MBP: variants seen among roughly 807,000 people sequenced by gnomAD.
MBP encodes myelin basic protein, also known as Golli-MBP.
MBP carries 16 observed loss-of-function variants against 35.8 expected under a neutral mutation model. The ratio of observed to expected loss-of-function variants is 0.45; its 90% CI spans 0.30 to 0.68. The LOEUF (loss-of-function observed/expected upper bound fraction) is 0.68, where lower values mean the gene tolerates loss of function less well. Among genes scored for constraint, MBP ranks in the 30% least tolerant of loss-of-function variants. The pLI is 0.08. For synonymous variants in MBP, 143 were observed against 159.6 expected, an observed-to-expected ratio of 0.90 and a Z score of 0.78; for missense variants, 380 against 404.7, an observed-to-expected ratio of 0.94 and a Z score of 0.52.
chr18:76,997,748 C>G (rs371250131), intron 4 of MBP, among the ~76,000 whole-genome samples: 2 of 150,946 alleles, frequency 1.3e-5, no homozygotes, highest in South Asian at 4.2e-4. Flanking sequence ...AGTGGCGCGA[C>G]CTCGGCTCAC....
At chr18:76,985,124 G>T in intron 7 of MBP, 1 of 1,535,732 alleles carries the variant, frequency 6.5e-7, no homozygotes, top group East Asian at 2.4e-5. Context: ...CTCTGGTTTG[G>T]GCGGAGGCTC....
In MBP at chr18:76,988,964, C is replaced by G. The variant is rs1599474791; in HGVS notation, c.682-52G>C. On this transcript the variant is annotated intron_variant, in intron 5 of 8. Coordinates refer to ENST00000355994, the MANE Select transcript of MBP (RefSeq NM_001025101.2). This position sits in a 1 kb window ranked among gnomAD's most constrained non-coding sequence, Gnocchi z 5.2. ...TGCACTGGGAGCCCTGTGCCGCCGT[C>G]CATTTCCTAACGGGCTCCTGCCTGC... is the stretch of plus-strand genomic sequence containing the variant. 3.1e-6 allele frequency: 5 copies of G among 1,588,346 alleles called. No individual in the cohort carries two copies. In the South Asian group the frequency reaches 5.5e-5, roughly 18 times the overall value.
chr18:77,117,199 T>C (rs979127164), intron 1 of MBP, among the ~76,000 whole-genome samples: 6 of 152,192 alleles, frequency 3.9e-5, no homozygotes, highest in African/African-American at 1.4e-4. Flanking sequence ...TGAAGAACTA[T>C]AGGAATTTGT....
intron 4 of MBP, among the ~76,000 whole-genome samples, chr18:77,008,725 G>A (rs1971145873): frequency 6.6e-6 from 1 of 152,248 alleles, no homozygotes; most frequent in African/African-American, 2.4e-5. Flanking sequence ...CCCGGGGCCA[G>A]CAGGCACATC....
chr18:77,060,972 AG>A lies in MBP; in HGVS notation c.139+5325del, dbSNP rs1044726317. ...ATGGAACACAGGCACGCAGTGCCTC[AG>A]CAACCAGCCGCTCAGAACTCCTCCT... On this transcript the variant is annotated intron_variant, in intron 3 of 8. Coordinates refer to ENST00000355994, the MANE Select transcript of MBP (RefSeq NM_001025101.2). Among the ~76,000 whole-genome samples, 7 of 152,206 alleles carry A rather than the reference AG, an allele frequency of 4.6e-5. 1 individual carries two copies. The highest frequency in any genetic ancestry group is 1.7e-4 in the African/African-American group (7 of 41,452).
intron 4 of MBP, among the ~76,000 whole-genome samples, chr18:76,997,058 C>A (rs1415010192): frequency 1.3e-5 from 2 of 152,184 alleles, no homozygotes; most frequent in African/African-American, 2.4e-5. Flanking sequence ...TCCTCCCCCT[C>A]CAAATGTCTC....
At chr18:77,091,766 CCA>C (rs371092851) in intron 2 of MBP, among the ~76,000 whole-genome samples, 5 of 151,482 alleles carry the variant, frequency 3.3e-5, no homozygotes, top group African/African-American at 9.7e-5. Flanking sequence ...TGTATATATG[CCA>C]CACACACACC....
chr18:77,041,424 C>G (rs1219305059), intron 3 of MBP, among the ~76,000 whole-genome samples: 1 of 152,172 alleles, frequency 6.6e-6, no homozygotes, highest in Admixed American at 6.5e-5. Context: ...CATCCCATTA[C>G]TGGGTATATA....
chr18:77,094,209 C>T (rs541429047), intron 2 of MBP, among the ~76,000 whole-genome samples: 19 of 152,282 alleles, frequency 1.2e-4, no homozygotes, highest in East Asian at 3.9e-4. Flanking sequence ...CTCCTGACCT[C>T]GTGATCTGCC....
intron 4 of MBP, among the ~76,000 whole-genome samples, chr18:76,999,728 TGTGAGCCACC>T (rs1339002517): frequency 6.6e-6 from 1 of 152,110 alleles, no homozygotes; most frequent in African/African-American, 2.4e-5. Flanking sequence ...GGATTACAGG[TGTGAGCCACC>T]GTGAGCCACC....
chr18:77,088,984 C>A (rs1975391915), intron 2 of MBP, among the ~76,000 whole-genome samples: 1 of 152,224 alleles, frequency 6.6e-6, no homozygotes, highest in African/African-American at 2.4e-5. Context: ...CCCAGGCCAC[C>A]CACCCTCCTT....
intron 3 of MBP, among the ~76,000 whole-genome samples, chr18:77,046,170 T>C (rs1351932048): frequency 6.6e-6 from 1 of 152,246 alleles, no homozygotes; most frequent in African/African-American, 2.4e-5. Context: ...TTGCATAGTT[T>C]TACTCCTTGG....
At chr18:77,053,042 A>G (rs2144709241) in intron 3 of MBP, among the ~76,000 whole-genome samples, 1 of 152,324 alleles carries the variant, frequency 6.6e-6, no homozygotes, top group Middle Eastern at 3.4e-3. Context: ...GTTTCCTGCT[A>G]AATAGAAGGC....
chr18:77,019,873 A>G (rs558955809), intron 3 of MBP, among the ~76,000 whole-genome samples: 2 of 152,340 alleles, frequency 1.3e-5, no homozygotes, highest in East Asian at 1.9e-4. Context: ...GAGAGCGGCC[A>G]TGCTGGTTCT....
intron 4 of MBP, among the ~76,000 whole-genome samples, chr18:76,991,471 T>A (rs1969912695): frequency 6.6e-6 from 1 of 152,186 alleles, no homozygotes; most frequent in South Asian, 2.1e-4. Context: ...GCAGACTTCA[T>A]GCATTGTCTG....
At chr18:77,042,714 G>A (rs572083074) in intron 3 of MBP, among the ~76,000 whole-genome samples, 3 of 152,320 alleles carry the variant, frequency 2.0e-5, no homozygotes, top group East Asian at 3.9e-4. Context: ...TAGCACAGCG[G>A]CCGGGCCAGG....
chr18:77,000,236 C>T (rs774019985), intron 4 of MBP, among the ~76,000 whole-genome samples: 19 of 152,128 alleles, frequency 1.2e-4, no homozygotes, highest in South Asian at 2.1e-4. Context: ...ATTCTACCAC[C>T]GAAGGATGAC....
At chr18:77,128,789 G>A (rs1006173087) in intron 1 of MBP, among the ~76,000 whole-genome samples, 13 of 152,136 alleles carry the variant, frequency 8.5e-5, no homozygotes, top group African/African-American at 2.9e-4. Context: ...CACAGACCAG[G>A]TTTTCCCTAG....
At chr18:77,061,914 A>C (rs903315191) in intron 3 of MBP, among the ~76,000 whole-genome samples, 3 of 152,102 alleles carry the variant, frequency 2.0e-5, no homozygotes. Context: ...TTTCCTCATG[A>C]CTCTTCATGG....
Sources: allele counts gnomAD v4.1 joint callset (sites outside exome capture counted in the v4.1 genomes callset), GRCh38; gene constraint gnomAD v4.1.1; non-coding constraint Gnocchi (gnomAD v3.1); transcripts MANE v1.5; gene names NCBI Gene and HGNC (gene_info 2026-07-23, HGNC 2026-07-21).